Variants in CEP43 observed in about 807,000 individuals in gnomAD.
CEP43 encodes the protein centrosomal protein 43.
In CEP43, 36 loss-of-function variants were observed where a neutral mutation model predicts 52.6. That is an observed-to-expected ratio of 0.68 (90% CI 0.52 to 0.90). The LOEUF (loss-of-function observed/expected upper bound fraction) is 0.90. CEP43 is among the 40% of genes least tolerant of loss of function. The probability of loss-of-function intolerance (pLI) is 0.00; values close to 1 mark genes in which losing one functional copy is unlikely to be tolerated. For missense variants in CEP43, 506 were observed against 472.8 expected, an observed-to-expected ratio of 1.07 and a Z score of -0.65; for synonymous variants, 192 against 172.4, an observed-to-expected ratio of 1.11 and a Z score of -0.89.
At chr6:167,032,705 C>G (rs1184556442) in intron 11 of CEP43, 63 bp downstream of exon 11, 2 of 1,386,798 alleles carry the variant, frequency 1.4e-6, no homozygotes, top group Middle Eastern at 1.9e-4. Context: ...TTTCCGAACA[C>G]AGACAAGACA....
chr6:167,017,083 C>T (rs1780118861), intron 7 of CEP43, among the ~76,000 whole-genome samples: 1 of 151,474 alleles, frequency 6.6e-6, no homozygotes. Flanking sequence ...GCAAGCTCCG[C>T]CTCCCGGGTT....
Position 167,033,871 on chromosome 6 carries a change from T to C in CEP43, c.1029-4T>C, listed in dbSNP as rs1205135545. ...CTTATTTTTTTTTCCCCTTCTGAAA[T>C]TAGTACCAGCCATCGCTCAGAGAAA... On this transcript the variant is annotated splice_region_variant and splice_polypyrimidine_tract_variant and intron_variant, in intron 11 of 12. Transcript: ENST00000366847. 2.0e-6 allele frequency: 3 copies of C among 1,507,506 alleles called. No individual in the cohort carries two copies. Among genetic ancestry groups the C allele is most frequent in the African/African-American group, 2.8e-5 (2 of 71,642 alleles). The allele number at this position is 1,507,506 out of a possible 1,614,324, so 93.4% of individuals were successfully genotyped here. A position where few individuals can be genotyped will look rare whatever the true frequency, so the allele number is the denominator to read the frequency against.
chr6:167,003,561 G>T (rs2128657247), intron 3 of CEP43, 162 bp from the exon 4 acceptor site: 1 of 563,254 alleles, frequency 1.8e-6, no homozygotes, highest in African/African-American at 1.9e-5. Flanking sequence ...TCAGGAGATT[G>T]AGATTTTCAT....
At chr6:167,006,240 A>AGC (rs1238484492) in intron 5 of CEP43, among the ~76,000 whole-genome samples, 1 of 152,200 alleles carries the variant, frequency 6.6e-6, no homozygotes, top group African/African-American at 2.4e-5. Context: ...GGATAGGCTG[A>AGC]GCGCGGTAGC....
At position 167,041,244 on chromosome 6, in the gene CEP43, A is replaced by G; in HGVS notation, c.*1266A>G. 1 of 1,047,998 alleles carries G rather than the reference A, an allele frequency of 9.5e-7. No homozygotes were observed. The highest frequency in any genetic ancestry group is 1.7e-5 in the African/African-American group (1 of 60,172). 64.9% of individuals were successfully genotyped at this position (1,047,998 alleles called of 1,614,324 possible). A position where few individuals can be genotyped will look rare whatever the true frequency, so the allele number is the denominator to read the frequency against. On this transcript the variant is annotated 3_prime_UTR_variant, in exon 13 of 13. Transcript: ENST00000366847. ...TTCATATTAGCCTAAATATTACAGA[A>G]ATTACTCCTTGGGCTCTAAAATGTA...
intron 5 of CEP43, among the ~76,000 whole-genome samples, chr6:167,008,022 G>A (rs775150490): frequency 2.6e-5 from 4 of 151,962 alleles, no homozygotes; most frequent in Admixed American, 2.0e-4. Flanking sequence ...TCTTCTGTAC[G>A]ATTGTAGTGA....
intron 12 of CEP43, chr6:167,036,908 A>G: frequency 3.7e-6 from 1 of 269,082 alleles, no homozygotes; most frequent in Non-Finnish European, 5.7e-6. Flanking sequence ...CCTGGGATCA[A>G]GCAATTCTAC....
rs902531691 is a variant in CEP43 at position 167,048,906 on chromosome 6, C to T, written c.*8928C>T. ...TTGAAAAAGGTTTCCAGAAATGTGA[C>T]AATTCTAGTACTTTCATGACATTTT... On this transcript the variant is annotated 3_prime_UTR_variant, in exon 13 of 13. Transcript: ENST00000366847. The T allele has an allele frequency of 1.3e-5, 2 of 152,158 alleles. No homozygotes were observed. Among genetic ancestry groups the T allele is most frequent in the East Asian group, 3.9e-4 (2 of 5,192 alleles). The allele number at this position is 152,158 out of a possible 1,614,324, so 9.4% of individuals were successfully genotyped here. A position where few individuals can be genotyped will look rare whatever the true frequency, so the allele number is the denominator to read the frequency against.
At chr6:167,022,831 A>C (rs1464731911) in intron 8 of CEP43, among the ~76,000 whole-genome samples, 196 bp downstream of exon 8, 2 of 152,164 alleles carry the variant, frequency 1.3e-5, no homozygotes, top group Non-Finnish European at 2.9e-5. Context: ...ATTTATTCCA[A>C]CAAGTAAGTG....
chr6:167,001,583 T>C (rs1339093182), intron 2 of CEP43, among the ~76,000 whole-genome samples: 1 of 152,224 alleles, frequency 6.6e-6, no homozygotes, highest in East Asian at 1.9e-4. Flanking sequence ...GCATGTTTCT[T>C]TCCCGAGCTT....
At chr6:167,007,256 A>T (rs1779876168) in intron 5 of CEP43, among the ~76,000 whole-genome samples, 3 of 152,182 alleles carry the variant, frequency 2.0e-5, no homozygotes, top group Admixed American at 1.3e-4. Context: ...AGTGGGTGTG[A>T]TGTGAAAATG....
chr6:167,013,531 TAAG>T lies in CEP43; in HGVS notation c.551_553del (p.Lys184del), dbSNP rs747480749. 12 of 1,613,566 alleles carry T rather than the reference TAAG, an allele frequency of 7.4e-6. No homozygotes were observed. The African/African-American group carries it at 1.3e-4, about 18-fold the overall frequency. On this transcript the variant is annotated inframe_deletion, in exon 7 of 13. Coordinates refer to ENST00000366847, the MANE Select transcript of CEP43 (RefSeq NM_007045.4). Reference sequence around the variant, plus strand: ...AGATACCAAGGTATAAAGGACAAGGTAAGAAGAAGACAAGCGGGCAGAAGGCTG... The same window carrying T: ...AGATACCAAGGTATAAAGGACAAGGTAAGAAGACAAGCGGGCAGAAGGCTG...
rs112352245 is a variant in CEP43 at position 167,048,010 on chromosome 6, C to A, written c.*8032C>A. 1 of 152,190 alleles carries A rather than the reference C, an allele frequency of 6.6e-6. No homozygotes were observed. The highest frequency in any genetic ancestry group is 2.4e-5 in the African/African-American group (1 of 41,440). The allele number at this position is 152,190 out of a possible 1,614,324, so 9.4% of individuals were successfully genotyped here. ...GGAATAACAGACAAGCTTTAACTCA[C>A]ACGATGAGCATCTTTATTTAGCTCT... On this transcript the variant is annotated 3_prime_UTR_variant, in exon 13 of 13. Coordinates refer to ENST00000366847, the MANE Select transcript of CEP43 (RefSeq NM_007045.4).
chr6:167,012,844 G>A (rs187058686), intron 6 of CEP43, among the ~76,000 whole-genome samples: 11 of 152,130 alleles, frequency 7.2e-5, no homozygotes, highest in Admixed American at 3.9e-4. Context: ...TGTCTCTGCC[G>A]TCATCCCGTT....
chr6:167,029,077 G>C (rs1780413202), intron 10 of CEP43, among the ~76,000 whole-genome samples: 1 of 151,996 alleles, frequency 6.6e-6, no homozygotes, highest in Non-Finnish European at 1.5e-5. Context: ...GTGTTTTTTT[G>C]TTTTTTTGTT....
chr6:167,028,490 A>T (rs1287771823), intron 10 of CEP43: 2 of 985,050 alleles, frequency 2.0e-6, no homozygotes, highest in African/African-American at 3.5e-5. Context: ...ATAAAGTTTT[A>T]TTTCGTTTTG....
intron 2 of CEP43, 51 bp from the exon 3 acceptor site, chr6:167,003,142 A>G (rs1779775110): frequency 1.3e-6 from 1 of 790,960 alleles, no homozygotes. Context: ...TATATTTTGT[A>G]GTTGTTTTTA....
At chr6:167,036,114 G>A (rs905251336) in intron 12 of CEP43, 3 of 985,276 alleles carry the variant, frequency 3.0e-6, no homozygotes, top group Non-Finnish European at 3.6e-6. Flanking sequence ...CACAAACATA[G>A]GAAAATCAAG....
chr6:167,051,051 C>G lies in CEP43; in HGVS notation c.*11073C>G, dbSNP rs1780864479. On this transcript the variant is annotated 3_prime_UTR_variant, in exon 13 of 13. Transcript: ENST00000366847. ...TTGTGTACTAAGAAACTAAATGTTT[C>G]TTGTGTACTAAGTCAGCTTCTGGGT... The G allele has an allele frequency of 6.6e-6, 1 of 151,928 alleles. No homozygotes were observed. The highest frequency in any genetic ancestry group is 2.4e-5 in the African/African-American group (1 of 41,370). 9.4% of individuals were successfully genotyped at this position (151,928 alleles called of 1,614,324 possible). A position where few individuals can be genotyped will look rare whatever the true frequency, so the allele number is the denominator to read the frequency against.
Sources: gnomAD v4.1 joint callset for allele counts (sites outside exome capture counted in the v4.1 genomes callset) on GRCh38, gnomAD v4.1.1 for gene constraint, MANE v1.5 for transcripts, NCBI Gene and HGNC (gene_info 2026-07-23, HGNC 2026-07-21) for gene names.